EXTL3: variants seen among roughly 807,000 people sequenced by gnomAD.
EXTL3 encodes exostosin like glycosyltransferase 3.
A neutral mutation model predicts 69.3 loss-of-function variants in EXTL3; 27 were observed. The observed-to-expected ratio is 0.39, with a 90% CI of 0.29 to 0.54. The LOEUF (loss-of-function observed/expected upper bound fraction) is 0.54. Among genes scored for constraint, EXTL3 ranks in the 20% least tolerant of loss-of-function variants. The pLI, the probability that EXTL3 is intolerant of heterozygous loss-of-function variation, is 0.69. For missense variants in EXTL3, 1,003 were observed against 1,231.8 expected, an observed-to-expected ratio of 0.81 and a Z score of 2.78; for synonymous variants, 511 against 499.4, an observed-to-expected ratio of 1.02 and a Z score of -0.31.
chr8:28,673,813 A>G (rs17059295), intron 1 of EXTL3, among the ~76,000 whole-genome samples: 2 of 152,146 alleles, frequency 1.3e-5, no homozygotes, highest in South Asian at 2.1e-4. Context: ...AAAACTTTGT[A>G]TAGATTTTGG....
intron 4 of EXTL3, among the ~76,000 whole-genome samples, chr8:28,732,684 A>G (rs1218741241): frequency 6.6e-6 from 1 of 152,110 alleles, no homozygotes; most frequent in Non-Finnish European, 1.5e-5. Context: ...TCTTTCACGG[A>G]ACATGATGTT....
chr8:28,668,300 A>G (rs1427927664), intron 1 of EXTL3, among the ~76,000 whole-genome samples: 2 of 146,946 alleles, frequency 1.4e-5, no homozygotes, highest in Non-Finnish European at 3.0e-5. Context: ...AAAGACAAAG[A>G]ATACTTTCTT....
At chr8:28,644,804 T>C (rs551119723) in intron 1 of EXTL3, among the ~76,000 whole-genome samples, 2 of 152,390 alleles carry the variant, frequency 1.3e-5, no homozygotes, top group Admixed American at 6.5e-5. Flanking sequence ...GCTTGTTGTA[T>C]GCTTCTGAAT....
In EXTL3 at chr8:28,668,865, C is replaced by CT. The variant is rs999113088; in HGVS notation, c.-52-44576dup. ...ACCCCTGCCTCCTTTGATAGAATCTCTTTTTTTTTTTTTTTTGAGACAGAG... is the reference window on the plus strand; with the variant it reads ...ACCCCTGCCTCCTTTGATAGAATCTCTTTTTTTTTTTTTTTTTGAGACAGAG... On this transcript the variant is annotated intron_variant, in intron 1 of 6. Coordinates refer to the EXTL3 transcript ENST00000523149. 3.1e-3 allele frequency among the ~76,000 whole-genome samples: 296 copies of CT among 94,458 alleles called. 14 individuals carry two copies. The highest frequency in any genetic ancestry group is 5.2e-3 in the East Asian group (16 of 3,068). 62.0% of individuals were successfully genotyped at this position (94,458 alleles called of 152,430 possible). A position where few individuals can be genotyped will look rare whatever the true frequency, so the allele number is the denominator to read the frequency against.
intron 1 of EXTL3, among the ~76,000 whole-genome samples, chr8:28,624,054 A>G (rs1048514046): frequency 1.3e-5 from 2 of 152,178 alleles, no homozygotes; most frequent in Admixed American, 6.5e-5. Context: ...ACTGAAGAAA[A>G]TTCTTTCCAA....
At chr8:28,635,477 G>A (rs1370310956) in intron 1 of EXTL3, among the ~76,000 whole-genome samples, 11 of 150,274 alleles carry the variant, frequency 7.3e-5, no homozygotes, top group Admixed American at 2.0e-4. Context: ...CGAGGCGGGC[G>A]GATCATGAGG....
intron 1 of EXTL3, among the ~76,000 whole-genome samples, chr8:28,687,629 G>A (rs534210415): frequency 6.6e-5 from 10 of 152,276 alleles, no homozygotes; most frequent in African/African-American, 2.2e-4. Context: ...CAGAAGGAAG[G>A]TCTGGGCTAA....
rs1211637508 is a variant in EXTL3 at position 28,659,549 on chromosome 8, G to C, written c.-53+36739G>C. Among the ~76,000 whole-genome samples the C allele has an allele frequency of 2.6e-5, 4 of 152,116 alleles. No individual in the cohort carries two copies. In the East Asian group the frequency reaches 7.7e-4, roughly 29 times the overall value. The stretch of plus-strand genomic sequence containing the variant: ...AGTTATGGGAGGAATCCTGAGAGGA[G>C]AGCCCTTGACCGGGGCCTACAGCAG... On this transcript the variant is annotated intron_variant, in intron 1 of 6. Transcript: ENST00000523149.
intron 1 of EXTL3, among the ~76,000 whole-genome samples, chr8:28,682,620 T>A (rs1403294643): frequency 6.6e-6 from 1 of 152,132 alleles, no homozygotes; most frequent in African/African-American, 2.4e-5. Context: ...TTTTTTGTAT[T>A]TCTAGTAGAG....
chr8:28,632,417 G>T (rs1038201371), intron 1 of EXTL3, among the ~76,000 whole-genome samples: 3 of 151,988 alleles, frequency 2.0e-5, no homozygotes, highest in African/African-American at 7.2e-5. Flanking sequence ...GAGTTATCTC[G>T]TATTTCTTGG....
At chr8:28,635,262 G>A (rs1260202606) in intron 1 of EXTL3, among the ~76,000 whole-genome samples, 3 of 151,878 alleles carry the variant, frequency 2.0e-5, no homozygotes, top group Admixed American at 2.0e-4. Flanking sequence ...AACTATAAAA[G>A]ACAGAAAACA....
chr8:28,693,148 ATTTTT>A (rs749978399), intron 1 of EXTL3, among the ~76,000 whole-genome samples: 2 of 135,278 alleles, frequency 1.5e-5, no homozygotes, highest in African/African-American at 2.8e-5. Context: ...CAGATAACAG[ATTTTT>A]TTTTTTTTTT....
chr8:28,673,572 G>C (rs777052405), intron 1 of EXTL3, among the ~76,000 whole-genome samples: 17 of 152,014 alleles, frequency 1.1e-4, no homozygotes, highest in African/African-American at 4.1e-4. Flanking sequence ...AGCTTTCCTG[G>C]GTCTCTGGCT....
chr8:28,684,248 G>C (rs1230829753), intron 1 of EXTL3, among the ~76,000 whole-genome samples: 1 of 152,190 alleles, frequency 6.6e-6, no homozygotes, highest in African/African-American at 2.4e-5. Context: ...TGGGAGTGCA[G>C]CTACCTTTTT....
At chr8:28,665,810 G>C (rs1397873790) in intron 1 of EXTL3, among the ~76,000 whole-genome samples, 1 of 152,038 alleles carries the variant, frequency 6.6e-6, no homozygotes, top group Admixed American at 6.6e-5. Flanking sequence ...ATTCTTTTCT[G>C]GATAGGTTTT....
At chr8:28,712,321 G>A (rs572823581) in intron 1 of EXTL3, among the ~76,000 whole-genome samples, 1 of 152,254 alleles carries the variant, frequency 6.6e-6, no homozygotes, top group East Asian at 1.9e-4. Flanking sequence ...ATGGGTCTGG[G>A]GAGCCCGGCA....
chr8:28,743,297 T>C (rs1801817759), intron 6 of EXTL3, 83 bp downstream of exon 6: 1 of 1,469,798 alleles, frequency 6.8e-7, no homozygotes, highest in African/African-American at 1.4e-5. Context: ...GTAACTGCAC[T>C]GTACCTCAGA....
intron 1 of EXTL3, among the ~76,000 whole-genome samples, chr8:28,629,654 C>A (rs1213582736): frequency 6.6e-6 from 1 of 151,980 alleles, no homozygotes; most frequent in Non-Finnish European, 1.5e-5. Context: ...GTGCCAAATG[C>A]CAGAGACAGT....
intron 1 of EXTL3, among the ~76,000 whole-genome samples, chr8:28,691,052 T>C (rs1386187647): frequency 6.6e-6 from 1 of 152,164 alleles, no homozygotes; most frequent in Non-Finnish European, 1.5e-5. Context: ...ACTGGTATTA[T>C]AGTTACCAGA....
Sources: gnomAD v4.1 joint callset for allele counts (sites outside exome capture counted in the v4.1 genomes callset) on GRCh38, gnomAD v4.1.1 for gene constraint, MANE v1.5 for transcripts, NCBI Gene and HGNC (gene_info 2026-07-23, HGNC 2026-07-21) for gene names.